Variants in PCDH11Y observed in about 807,000 individuals in gnomAD.
PCDH11Y encodes protocadherin-11 Y-linked.
For synonymous variants in PCDH11Y, 9 were observed against 83.6 expected (o/e 0.11, Z 4.87); for missense variants, 12 against 224.8 (o/e 0.05, Z 6.05).
At chrY:5,012,827 C>T (rs2052553678) in intron 1 of PCDH11Y, among the ~76,000 whole-genome samples, 1 of 28,910 alleles carries the variant, frequency 3.5e-5, no homozygotes, top group African/African-American at 1.4e-4. Context: ...ATAGAAATAT[C>T]AGTTCTATGA....
chrY:5,087,908 C>T (rs2124633259), intron 1 of PCDH11Y, among the ~76,000 whole-genome samples: 3 of 32,654 alleles, frequency 9.2e-5, no homozygotes, highest in Non-Finnish European at 2.3e-4. Flanking sequence ...TCTTTCTGCT[C>T]TAACAGAACA....
At chrY:5,500,361 C>T (rs1484077725) in intron 2 of PCDH11Y, among the ~76,000 whole-genome samples, 4 of 31,631 alleles carry the variant, frequency 1.3e-4, no homozygotes, top group South Asian at 7.3e-4. Flanking sequence ...CTTCTTCTTT[C>T]GGAAACCAAA....
intron 1 of PCDH11Y, among the ~76,000 whole-genome samples, chrY:5,011,899 A>T: frequency 3.5e-5 from 1 of 28,170 alleles, no homozygotes; most frequent in Non-Finnish European, 8.4e-5. Flanking sequence ...AACAACTGAA[A>T]GTTTTCACTT....
chrY:5,408,831 C>T, intron 2 of PCDH11Y, among the ~76,000 whole-genome samples: 2 of 33,858 alleles, frequency 5.9e-5, no homozygotes, highest in Non-Finnish European at 1.5e-4. Flanking sequence ...CTATCTTAAT[C>T]TCTTTGAAAT....
chrY:5,723,298 ATAAT>A, intron 4 of PCDH11Y, among the ~76,000 whole-genome samples: 1 of 32,100 alleles, frequency 3.1e-5, no homozygotes, highest in African/African-American at 1.2e-4. Context: ...ACATAAATTA[ATAAT>A]TATGGCAATG....
At chrY:5,416,079 A>G in intron 2 of PCDH11Y, among the ~76,000 whole-genome samples, 2 of 32,324 alleles carry the variant, frequency 6.2e-5, no homozygotes, top group Non-Finnish European at 1.5e-4. Context: ...AGTGAATTAG[A>G]AAGTATTCCC....
At chrY:5,681,842 C>T in intron 4 of PCDH11Y, among the ~76,000 whole-genome samples, 2 of 31,373 alleles carry the variant, frequency 6.4e-5, no homozygotes, top group African/African-American at 2.5e-4. Context: ...TAGAAGCAGC[C>T]AGGTCAAATC....
At chrY:5,034,114 G>A (rs2124621982) in intron 3 of PCDH11Y, among the ~76,000 whole-genome samples, 2 of 32,422 alleles carry the variant, frequency 6.2e-5, no homozygotes, top group South Asian at 1.4e-3. Context: ...TTGTTAGTTC[G>A]TCTCAATGCT....
intron 4 of PCDH11Y, among the ~76,000 whole-genome samples, chrY:5,602,901 C>CAT (rs1279134234): frequency 7.0e-4 from 19 of 27,301 alleles, no homozygotes; most frequent in African/African-American, 1.3e-3. Context: ...TATACTTACA[C>CAT]ATATATATAT....
At chrY:5,394,090 T>C in intron 2 of PCDH11Y, among the ~76,000 whole-genome samples, 2 of 33,034 alleles carry the variant, frequency 6.1e-5, no homozygotes, top group African/African-American at 2.4e-4. Flanking sequence ...TCAATGTTTG[T>C]TAATAGCACC....
chrY:5,060,406 A>T, intron 1 of PCDH11Y, among the ~76,000 whole-genome samples: 1 of 23,099 alleles, frequency 4.3e-5, no homozygotes, highest in Admixed American at 3.9e-4. Context: ...AAATGTATGT[A>T]GTATAAAATT....
intron 2 of PCDH11Y, among the ~76,000 whole-genome samples, chrY:5,194,532 C>T: frequency 3.2e-5 from 1 of 31,300 alleles, no homozygotes; most frequent in South Asian, 7.6e-4. Context: ...ATCCTGATTC[C>T]GCCAGTTCTT....
chrY:5,499,352 T>C, intron 2 of PCDH11Y, among the ~76,000 whole-genome samples: 1 of 33,170 alleles, frequency 3.0e-5, no homozygotes, highest in Non-Finnish European at 7.4e-5. Context: ...ATGTAGAAAA[T>C]CAGCAGACTA....
intron 2 of PCDH11Y, among the ~76,000 whole-genome samples, chrY:5,241,640 C>CAGGA (rs1445216619): frequency 8.7e-5 from 2 of 23,033 alleles, no homozygotes; most frequent in Non-Finnish European, 9.9e-5. Flanking sequence ...TCAGAACAGA[C>CAGGA]AGGACATTCA....
intron 2 of PCDH11Y, among the ~76,000 whole-genome samples, chrY:5,419,993 T>G: frequency 3.2e-5 from 1 of 31,459 alleles, no homozygotes; most frequent in Non-Finnish European, 7.6e-5. Flanking sequence ...TAAAGTGGAA[T>G]CTACCTAGAG....
At chrY:5,208,885 G>A (rs2052935565) in intron 2 of PCDH11Y, among the ~76,000 whole-genome samples, 1 of 30,256 alleles carries the variant, frequency 3.3e-5, no homozygotes, top group Admixed American at 3.1e-4. Context: ...AAGAATATGT[G>A]TGAACTTTTG....
At position 5,241,977 on chromosome Y, in the gene PCDH11Y, C is replaced by T. The variant is rs372712373; in HGVS notation, c.3129+141270C>T. ...AAGAGATATAATAGTAGGTGGGGCA[C>T]GGTGGCTCACCCCTGTAATCCCAAC... On this transcript the variant is annotated intron_variant, in intron 2 of 4. Transcript: ENST00000400457. Among the ~76,000 whole-genome samples the T allele has an allele frequency of 0.01, 308 of 29,869 alleles. No individual in the cohort carries two copies. The Middle Eastern group carries it at 0.23, about 22-fold the overall frequency. 80.1% of individuals were successfully genotyped at this position (29,869 alleles called of 37,273 possible).
intron 2 of PCDH11Y, among the ~76,000 whole-genome samples, chrY:5,426,632 G>A (rs1602923497): frequency 6.3e-5 from 2 of 31,549 alleles, no homozygotes; most frequent in African/African-American, 2.5e-4. Flanking sequence ...GATTTATTTC[G>A]GTGCCACATT....
intron 3 of PCDH11Y, among the ~76,000 whole-genome samples, chrY:5,580,696 CTGTT>C (rs2053450066): frequency 3.1e-5 from 1 of 32,721 alleles, no homozygotes; most frequent in Admixed American, 2.8e-4. Flanking sequence ...AATAAATGTG[CTGTT>C]TGTCAGTGAC....
Sources: allele counts gnomAD v4.1 joint callset (sites outside exome capture counted in the v4.1 genomes callset), GRCh38; gene constraint gnomAD v4.1.1; transcripts MANE v1.5; gene names NCBI Gene and HGNC (gene_info 2026-07-23, HGNC 2026-07-21).